UROC1: variants seen among roughly 807,000 people sequenced by gnomAD.
UROC1 encodes the protein urocanate hydratase 1.
A neutral mutation model predicts 89.5 loss-of-function variants in UROC1; 79 were observed. The observed-to-expected ratio is 0.88, with a 90% CI of 0.74 to 1.06. The LOEUF (loss-of-function observed/expected upper bound fraction) is 1.06. Among genes scored for constraint, UROC1 ranks in the 50% least tolerant of loss-of-function variants. The probability of loss-of-function intolerance (pLI) is 0.00; values close to 1 mark genes in which losing one functional copy is unlikely to be tolerated. For synonymous variants in UROC1, 361 were observed against 354.8 expected (o/e 1.02, Z -0.20); for missense variants, 885 against 907.8 (o/e 0.97, Z 0.32).
In UROC1 at chr3:126,507,805, T is replaced by C; in HGVS notation, c.541-2A>G. Reference sequence around the variant, plus strand: ...CCGGGAGGAGTAGTTGGGAATGACCTGGAGAAGAGGATGGGGGCAGACAGA... The same window carrying C: ...CCGGGAGGAGTAGTTGGGAATGACCCGGAGAAGAGGATGGGGGCAGACAGA... On this transcript the variant is annotated splice_acceptor_variant, in intron 5 of 19. Coordinates refer to ENST00000290868, the MANE Select transcript of UROC1 (RefSeq NM_144639.3). LOFTEE classifies it high-confidence loss of function. 1.2e-6 allele frequency: 2 copies of C among 1,614,088 alleles called. No homozygotes were observed. Among genetic ancestry groups the C allele is most frequent in the Non-Finnish European group, 1.7e-6 (2 of 1,180,002 alleles).
intron 1 of UROC1, among the ~76,000 whole-genome samples, chr3:126,516,889 GTTT>G (rs1936341759): frequency 6.6e-6 from 1 of 151,676 alleles, no homozygotes; most frequent in East Asian, 2.0e-4. Flanking sequence ...CTTGTTTGCA[GTTT>G]CCACTTCTCT....
Position 126,482,113 on chromosome 3 carries a change from G to A in UROC1, c.*232C>T, listed in dbSNP as rs1935402051. 1 of 615,806 alleles carries A rather than the reference G, an allele frequency of 1.6e-6. No individual in the cohort carries two copies. Among genetic ancestry groups the A allele is most frequent in the East Asian group, 2.9e-5 (1 of 34,542 alleles). 38.1% of individuals were successfully genotyped at this position (615,806 alleles called of 1,614,324 possible). A position where few individuals can be genotyped will look rare whatever the true frequency, so the allele number is the denominator to read the frequency against. On this transcript the variant is annotated 3_prime_UTR_variant, in exon 20 of 20. Coordinates refer to ENST00000290868, the MANE Select transcript of UROC1 (RefSeq NM_144639.3). ...TAAATGGACTTTGACAGCCTTCAGG[G>A]CTCCCATGCAAGTGGCATGGTTGTG...
At position 126,492,464 on chromosome 3, in the gene UROC1, G is replaced by A. The variant is rs774267003; in HGVS notation, c.1562C>T (p.Ala521Val). The part of the protein sequence containing the change: ...ILYSDQKGRV[A>V]IAVAINQAIA... ...GGCCTGGTTAATGGCCACAGCGATG[G>A]CCACGCGGCCCTTCTGGTCTGAGTA... The change falls in exon 16 of 20, where the codon GCC becomes GTC. Residue 521 changes from alanine to valine, a missense_variant. Coordinates refer to ENST00000290868, the MANE Select transcript of UROC1 (RefSeq NM_144639.3). The A allele has an allele frequency of 6.2e-7, 1 of 1,613,626 alleles. No homozygotes were observed. The highest frequency in any genetic ancestry group is 1.1e-5 in the South Asian group (1 of 91,080).
chr3:126,500,048 T>A lies in UROC1; in HGVS notation c.1243+9A>T. Reference sequence around the variant, plus strand: ...CCCCTCCCTCCTCCTCCCTCCTCCTTCCTCCTACCTGCTCTCTGGGCCTCC... The same window carrying A: ...CCCCTCCCTCCTCCTCCCTCCTCCTACCTCCTACCTGCTCTCTGGGCCTCC... On this transcript the variant is annotated intron_variant, in intron 12 of 19. Coordinates refer to ENST00000290868, the MANE Select transcript of UROC1 (RefSeq NM_144639.3). The A allele has an allele frequency of 6.2e-7, 1 of 1,611,962 alleles. No individual in the cohort carries two copies. The highest frequency in any genetic ancestry group is 8.5e-7 in the Non-Finnish European group (1 of 1,179,664).
In UROC1 at chr3:126,511,941, CTGTCTGTTTA is replaced by C. The variant is rs1225708931; in HGVS notation, c.127-1157_127-1148del. On this transcript the variant is annotated intron_variant, in intron 1 of 19. Transcript: ENST00000290868. ...GGGTTTTTTTTCTTTCCAGGATAAA[CTGTCTGTTTA>C]TCTGCAATTTCATGTTTTTATTTAG... is the stretch of plus-strand genomic sequence containing the variant. Among the ~76,000 whole-genome samples the C allele has an allele frequency of 7.2e-5, 11 of 152,274 alleles. No homozygotes were observed. In the East Asian group the frequency reaches 1.9e-3, roughly 27 times the overall value.
In UROC1 at chr3:126,517,699, C is replaced by T. The variant is rs1310433656; in HGVS notation, c.21G>A (p.Leu7=). 4 of 1,588,900 alleles carry T rather than the reference C, an allele frequency of 2.5e-6. No individual in the cohort carries two copies. Among genetic ancestry groups the T allele is most frequent in the Non-Finnish European group, 3.4e-6 (4 of 1,168,180 alleles). The part of the protein sequence containing the change: MSSLQA[L]CSGLPLRPLP... The stretch of plus-strand genomic sequence containing the variant: ...GGGGCCGCAGGGGCAGGCCAGAGCA[C>T]AGCGCCTGGAGGCTAGACATGTGTG... The change falls in exon 1 of 20, where the codon CTG becomes CTA. Residue 7 remains leucine (L), a synonymous_variant. Transcript: ENST00000290868.
At chr3:126,486,161 G>A (rs1457922956) in intron 18 of UROC1, among the ~76,000 whole-genome samples, 1 of 152,226 alleles carries the variant, frequency 6.6e-6, no homozygotes, top group African/African-American at 2.4e-5. Flanking sequence ...CCGGCTGGAA[G>A]CCTGCTCACC....
At chr3:126,489,500 C>G in intron 16 of UROC1, 125 bp from the exon 17 acceptor site, 2 of 753,396 alleles carry the variant, frequency 2.7e-6, no homozygotes, top group Non-Finnish European at 4.7e-6. Context: ...AATAGACCCT[C>G]TTCACAACTA....
chr3:126,486,020 C>T (rs1935507709), intron 18 of UROC1, among the ~76,000 whole-genome samples: 1 of 152,178 alleles, frequency 6.6e-6, no homozygotes, highest in African/African-American at 2.4e-5. Context: ...TCAGAAAGCT[C>T]CAGCGCAGTG....
chr3:126,494,382 C>A (rs1018645008), intron 15 of UROC1, among the ~76,000 whole-genome samples: 1 of 152,184 alleles, frequency 6.6e-6, no homozygotes, highest in Non-Finnish European at 1.5e-5. Flanking sequence ...GGCTATCCCC[C>A]CTCTCTTCTC....
rs751211752 is a variant in UROC1, at chr3:126,500,747, G to A, written c.1093C>T (p.Gln365Ter). 5 of 1,614,014 alleles carry A rather than the reference G, an allele frequency of 3.1e-6. No individual in the cohort carries two copies. The highest frequency in any genetic ancestry group is 4.2e-6 in the Non-Finnish European group (5 of 1,180,048). The change falls in exon 11 of 20, where the codon CAG (glutamine) becomes TAG (stop). Residue 365 changes from glutamine (Q) to a stop codon, truncating the protein, a stop_gained. Coordinates refer to ENST00000290868, the MANE Select transcript of UROC1 (RefSeq NM_144639.3). LOFTEE classifies it high-confidence loss of function. ...YPVQLSFTEA[Q>*]SLMASNPAVF... ...GCAGGGTTGGAGGCCATGAGGCTCT[G>A]GGCCTCCGTGAAGCTGAGCTGCACA...
In UROC1 at chr3:126,500,048, T is replaced by C. The variant is rs1935879412; in HGVS notation, c.1243+9A>G. ...CCCCTCCCTCCTCCTCCCTCCTCCT[T>C]CCTCCTACCTGCTCTCTGGGCCTCC... On this transcript the variant is annotated intron_variant, in intron 12 of 19. Coordinates refer to ENST00000290868, the MANE Select transcript of UROC1 (RefSeq NM_144639.3). 2 of 1,611,962 alleles carry C rather than the reference T, an allele frequency of 1.2e-6. No homozygotes were observed. The highest frequency in any genetic ancestry group is 1.7e-4 in the Middle Eastern group (1 of 6,058).
intron 14 of UROC1, among the ~76,000 whole-genome samples, chr3:126,496,411 CG>C (rs1222530332): frequency 1.3e-5 from 2 of 152,222 alleles, no homozygotes; most frequent in Non-Finnish European, 2.9e-5. Flanking sequence ...GAACAAAGAC[CG>C]CTGTGGGCCG....
intron 3 of UROC1, among the ~76,000 whole-genome samples, chr3:126,509,013 T>C (rs1250121139): frequency 6.6e-6 from 1 of 152,088 alleles, no homozygotes; most frequent in East Asian, 1.9e-4. Flanking sequence ...TTTCAAAGGC[T>C]CAGGATGAAA....
At chr3:126,504,183 G>A in intron 8 of UROC1, 100 bp from the exon 9 acceptor site, 3 of 1,215,826 alleles carry the variant, frequency 2.5e-6, no homozygotes, top group Non-Finnish European at 3.6e-6. Flanking sequence ...ATCCCCTGTA[G>A]GTCCCTTGCT....
intron 2 of UROC1, 64 bp downstream of exon 2, chr3:126,510,600 C>T: frequency 6.2e-7 from 1 of 1,601,072 alleles, no homozygotes; most frequent in South Asian, 1.1e-5. Flanking sequence ...TGGCCCCCAG[C>T]ACAGTCCCTT....
rs1935416755 is a variant in UROC1 at position 126,482,656 on chromosome 3, C to G, written c.1891-171G>C. 3.3e-5 allele frequency among the ~76,000 whole-genome samples: 5 copies of G among 152,144 alleles called. No homozygotes were observed. The South Asian group carries it at 8.3e-4, about 25-fold the overall frequency. ...CACCCCCAGCTTAGGCTCCCTGTCT[C>G]TGGCCCTCCTCTGGGATCTGAAACT... is the stretch of plus-strand genomic sequence containing the variant. On this transcript the variant is annotated intron_variant, in intron 19 of 19. Coordinates refer to ENST00000290868, the MANE Select transcript of UROC1 (RefSeq NM_144639.3).
Position 126,482,257 on chromosome 3 carries a change from C to A in UROC1, c.*88G>T, listed in dbSNP as rs1268179205. On this transcript the variant is annotated 3_prime_UTR_variant, in exon 20 of 20. Transcript: ENST00000290868. ...GGATGTGCGAGAAGTGCAGGTAGTG[C>A]GGGTGTGCAGGAAGGGTGTGTGCCA... 1.3e-6 allele frequency: 2 copies of A among 1,567,336 alleles called. No homozygotes were observed. Among genetic ancestry groups the A allele is most frequent in the African/African-American group, 2.7e-5 (2 of 74,152 alleles).
In UROC1 at chr3:126,482,106, C is replaced by T. The variant is rs1464089739; in HGVS notation, c.*239G>A. ...TTGGCCCTAAATGGACTTTGACAGCCTTCAGGGCTCCCATGCAAGTGGCAT... is the reference window on the plus strand; with the variant it reads ...TTGGCCCTAAATGGACTTTGACAGCTTTCAGGGCTCCCATGCAAGTGGCAT... On this transcript the variant is annotated 3_prime_UTR_variant, in exon 20 of 20. Transcript: ENST00000290868. 1 of 604,020 alleles carries T rather than the reference C, an allele frequency of 1.7e-6. No homozygotes were observed. Among genetic ancestry groups the T allele is most frequent in the African/African-American group, 1.9e-5 (1 of 53,794 alleles). 37.4% of individuals were successfully genotyped at this position (604,020 alleles called of 1,614,324 possible). A position where few individuals can be genotyped will look rare whatever the true frequency, so the allele number is the denominator to read the frequency against.
Sources: allele counts gnomAD v4.1 joint callset (sites outside exome capture counted in the v4.1 genomes callset), GRCh38; gene constraint gnomAD v4.1.1; transcripts MANE v1.5; gene names NCBI Gene and HGNC (gene_info 2026-07-23, HGNC 2026-07-21).